Variants in DLGAP2 observed in about 807,000 individuals in gnomAD.
DLGAP2 encodes DLG associated protein 2.
Under a neutral mutation model 100.3 loss-of-function variants are expected in DLGAP2, and 26 were observed. That is an observed-to-expected ratio of 0.26 (90% CI 0.19 to 0.36). The LOEUF (loss-of-function observed/expected upper bound fraction) is 0.36. Among genes scored for constraint, DLGAP2 ranks in the 10% least tolerant of loss-of-function variants. The pLI, the probability that DLGAP2 is intolerant of heterozygous loss-of-function variation, is 1.00. For missense variants in DLGAP2, 1,858 were observed against 1,453.2 expected (o/e 1.28, Z -4.53); for synonymous variants, 886 against 630.1 (o/e 1.41, Z -6.08).
chr8:1,362,840 T>G (rs780463709), intron 3 of DLGAP2, among the ~76,000 whole-genome samples: 3 of 152,156 alleles, frequency 2.0e-5, no homozygotes, highest in Non-Finnish European at 4.4e-5. Flanking sequence ...CCTGGTGAAT[T>G]TTGTTGAACG....
chr8:1,029,027 G>T (rs567709942), intron 2 of DLGAP2, among the ~76,000 whole-genome samples: 1 of 152,186 alleles, frequency 6.6e-6, no homozygotes, highest in East Asian at 1.9e-4. Context: ...AGCTGTCCTA[G>T]CTTCCCCTGA....
intron 2 of DLGAP2, among the ~76,000 whole-genome samples, chr8:1,051,246 G>T (rs2701910): frequency 0.3 from 45,475 of 151,822 alleles, 7,346 homozygotes; most frequent in Middle Eastern, 0.39. Context: ...TTTCTCCAGA[G>T]GCCTCATTGA....
At chr8:1,407,705 A>T (rs1389478830) in intron 3 of DLGAP2, among the ~76,000 whole-genome samples, 1 of 96,438 alleles carries the variant, frequency 1.0e-5, no homozygotes, top group Non-Finnish European at 2.1e-5. Flanking sequence ...CTCATCCTCC[A>T]GAGTCGTGTA....
intron 3 of DLGAP2, among the ~76,000 whole-genome samples, chr8:1,262,029 C>G (rs768696908): frequency 2.6e-5 from 4 of 152,238 alleles, no homozygotes; most frequent in Admixed American, 6.5e-5. Flanking sequence ...AACAGCCTTC[C>G]CTGGCTAAGC....
At chr8:1,177,984 G>A (rs984025797) in intron 2 of DLGAP2, among the ~76,000 whole-genome samples, 10 of 152,232 alleles carry the variant, frequency 6.6e-5, no homozygotes, top group Non-Finnish European at 1.3e-4. Context: ...AGCATCTCCC[G>A]GTGAAGGGCT....
At chr8:1,052,645 A>C (rs369330435) in intron 2 of DLGAP2, among the ~76,000 whole-genome samples, 1 of 152,178 alleles carries the variant, frequency 6.6e-6, no homozygotes, top group African/African-American at 2.4e-5. Context: ...AACAAACCCC[A>C]TAGATGTTGC....
chr8:869,197 G>A (rs2128991283), intron 1 of DLGAP2, among the ~76,000 whole-genome samples: 1 of 152,204 alleles, frequency 6.6e-6, no homozygotes, highest in African/African-American at 2.4e-5. Context: ...TTTTCCCTGT[G>A]GTTACCAACC....
At chr8:986,070 A>G (rs1800478522) in intron 2 of DLGAP2, among the ~76,000 whole-genome samples, 1 of 152,168 alleles carries the variant, frequency 6.6e-6, no homozygotes, top group South Asian at 2.1e-4. Context: ...AAGTTTCTGG[A>G]AACTCTTGAT....
In DLGAP2 at chr8:1,634,903, C is replaced by T. The variant is rs1797731914; in HGVS notation, c.1810+1857C>T. ...GTATATTTTGTATTCCAAAAATACA[C>T]CTACCAAATAAATTACAAAAAAAAG... On this transcript the variant is annotated intron_variant, in intron 8 of 14. Transcript: ENST00000637795. Among the ~76,000 whole-genome samples, 4 of 152,180 alleles carry T rather than the reference C, an allele frequency of 2.6e-5. No individual in the cohort carries two copies. In the South Asian group the frequency reaches 6.2e-4, roughly 24 times the overall value.
At chr8:1,471,538 G>T (rs1024095482) in intron 3 of DLGAP2, among the ~76,000 whole-genome samples, 1 of 123,724 alleles carries the variant, frequency 8.1e-6, no homozygotes, top group African/African-American at 3.3e-5. Context: ...TCCCCTCCCA[G>T]CCTCCTCCTA....
intron 3 of DLGAP2, among the ~76,000 whole-genome samples, chr8:1,304,963 A>G (rs771481701): frequency 7.2e-5 from 11 of 152,328 alleles, no homozygotes; most frequent in Non-Finnish European, 1.0e-4. Flanking sequence ...CTGAAGTGAG[A>G]CAGATACGAG....
intron 2 of DLGAP2, among the ~76,000 whole-genome samples, chr8:1,169,964 T>G (rs1033707183): frequency 2.0e-5 from 3 of 151,920 alleles, no homozygotes; most frequent in Non-Finnish European, 4.4e-5. Flanking sequence ...TTGTGCCAGT[T>G]TTCAAAGGGA....
At chr8:785,400 T>C (rs1265393703) in intron 1 of DLGAP2, among the ~76,000 whole-genome samples, 2 of 149,006 alleles carry the variant, frequency 1.3e-5, no homozygotes, top group African/African-American at 4.9e-5. Context: ...CCGGCTTCTC[T>C]CCTCCCCTCA....
At chr8:833,831 T>C (rs906337184) in intron 1 of DLGAP2, among the ~76,000 whole-genome samples, 1 of 152,148 alleles carries the variant, frequency 6.6e-6, no homozygotes, top group Non-Finnish European at 1.5e-5. Flanking sequence ...CCTGGGAAAA[T>C]AGTTGCAAAG....
intron 1 of DLGAP2, among the ~76,000 whole-genome samples, chr8:793,610 G>A (rs1333485789): frequency 1.3e-5 from 2 of 152,078 alleles, no homozygotes; most frequent in Non-Finnish European, 2.9e-5. Context: ...CTCCTCTTCT[G>A]AGACTTCCTG....
At chr8:1,384,265 A>G (rs530921886) in intron 3 of DLGAP2, among the ~76,000 whole-genome samples, 19 of 152,256 alleles carry the variant, frequency 1.2e-4, no homozygotes, top group Middle Eastern at 3.2e-3. Context: ...TTGTGACTGC[A>G]CAGTCGCTGC....
intron 8 of DLGAP2, among the ~76,000 whole-genome samples, chr8:1,639,535 C>T (rs926378898): frequency 6.6e-6 from 1 of 152,230 alleles, no homozygotes; most frequent in African/African-American, 2.4e-5. Context: ...CAGCGGAGAC[C>T]CCTGTGGGTC....
intron 5 of DLGAP2, among the ~76,000 whole-genome samples, chr8:1,565,064 C>A (rs1802342964): frequency 6.6e-6 from 1 of 152,232 alleles, no homozygotes; most frequent in Admixed American, 6.5e-5. Flanking sequence ...CTGTACCACC[C>A]AGATATATAA....
chr8:1,320,820 C>T (rs1800878527), intron 3 of DLGAP2, among the ~76,000 whole-genome samples: 2 of 152,212 alleles, frequency 1.3e-5, no homozygotes, highest in African/African-American at 4.8e-5. Context: ...GGTGCTGCCA[C>T]CTGTGTGTGT....
Sources: gnomAD v4.1 joint callset for allele counts (sites outside exome capture counted in the v4.1 genomes callset) on GRCh38, gnomAD v4.1.1 for gene constraint, MANE v1.5 for transcripts, NCBI Gene and HGNC (gene_info 2026-07-23, HGNC 2026-07-21) for gene names.